Variants in RBFOX1 observed in about 807,000 individuals in gnomAD.
RBFOX1 encodes RNA binding protein fox-1 homolog 1.
In RBFOX1, 8 loss-of-function variants were observed where a neutral mutation model predicts 57.7. That is an observed-to-expected ratio of 0.14 (90% CI 0.08 to 0.25). The LOEUF is 0.25. Ranked by LOEUF, RBFOX1 falls within the 10% of genes least tolerant of loss-of-function variation. RBFOX1 has a pLI of 1.00. For missense variants in RBFOX1, 611 were observed against 548.5 expected (o/e 1.11, Z -1.14); for synonymous variants, 326 against 222.4 (o/e 1.47, Z -4.15).
intron 1 of RBFOX1, among the ~76,000 whole-genome samples, chr16:6,193,540 G>A (rs2097161022): frequency 6.7e-6 from 1 of 149,696 alleles, no homozygotes; most frequent in Non-Finnish European, 1.5e-5. Flanking sequence ...TGGGAACCTC[G>A]GTTTCATCAA....
chr16:7,075,392 G>A (rs1223188584), intron 4 of RBFOX1, among the ~76,000 whole-genome samples: 1 of 152,174 alleles, frequency 6.6e-6, no homozygotes, highest in Non-Finnish European at 1.5e-5. Context: ...GTGTTGCCTT[G>A]TAACAGTGTT....
intron 3 of RBFOX1, among the ~76,000 whole-genome samples, chr16:7,047,712 A>AT (rs2048460239): frequency 3.5e-5 from 1 of 28,536 alleles, no homozygotes; most frequent in Non-Finnish European, 7.6e-5. Flanking sequence ...CAGGTCCTGC[A>AT]TTTCTTTTTT....
chr16:6,277,911 C>A (rs1352850543), intron 1 of RBFOX1, among the ~76,000 whole-genome samples: 2 of 152,116 alleles, frequency 1.3e-5, no homozygotes, highest in African/African-American at 4.8e-5. Context: ...CGGTTACCCT[C>A]GTGTAAGCTG....
At position 6,009,702 on chromosome 16, in the gene RBFOX1, C is replaced by T; in HGVS notation, c.351+142367C>T. On this transcript the variant is annotated intron_variant, in intron 4 of 19. Transcript: ENST00000641259. ...AATCACGTTAAATCCCTCCTCCCCC[C>T]ACCTCCAAGCCTATCCACAAGTTAT... 3.3e-5 allele frequency among the ~76,000 whole-genome samples: 5 copies of T among 152,230 alleles called. 1 individual carries two copies. The South Asian group carries it at 1.0e-3, about 32-fold the overall frequency.
At chr16:6,474,280 C>T (rs1236423725) in intron 2 of RBFOX1, among the ~76,000 whole-genome samples, 2 of 152,090 alleles carry the variant, frequency 1.3e-5, no homozygotes, top group African/African-American at 4.8e-5. Flanking sequence ...GTAATTCATC[C>T]CAGAGCGGAC....
chr16:6,793,045 A>T (rs75008055), intron 3 of RBFOX1, among the ~76,000 whole-genome samples: 1 of 148,750 alleles, frequency 6.7e-6, no homozygotes, highest in Non-Finnish European at 1.5e-5. Context: ...AAAAAAAAAT[A>T]GAAGCGATAA....
intron 4 of RBFOX1, among the ~76,000 whole-genome samples, chr16:6,011,788 C>T (rs748339030): frequency 2.6e-5 from 4 of 152,100 alleles, no homozygotes; most frequent in Admixed American, 6.5e-5. Flanking sequence ...TGAGGACTTG[C>T]GCTTACTCTC....
chr16:6,607,311 C>G (rs1239744252), intron 2 of RBFOX1, among the ~76,000 whole-genome samples: 5 of 152,074 alleles, frequency 3.3e-5, no homozygotes, highest in African/African-American at 4.8e-5. Context: ...ATATTCACAT[C>G]CCTTAAAAAT....
chr16:6,483,133 C>T (rs946853828), intron 2 of RBFOX1: 90 of 1,047,608 alleles, frequency 8.6e-5, no homozygotes, highest in Non-Finnish European at 1.0e-4. Flanking sequence ...TGCCTTCCCC[C>T]AGCTGCAAGA....
At chr16:6,072,113 A>G (rs1158771559) in intron 1 of RBFOX1, among the ~76,000 whole-genome samples, 2 of 152,232 alleles carry the variant, frequency 1.3e-5, no homozygotes, top group East Asian at 1.9e-4. Context: ...AAGGAGGAGC[A>G]CAGGCACATC....
At chr16:6,829,085 TG>T (rs1051689215) in intron 3 of RBFOX1, among the ~76,000 whole-genome samples, 3 of 152,262 alleles carry the variant, frequency 2.0e-5, no homozygotes, top group African/African-American at 7.2e-5. Context: ...CACCAGCATT[TG>T]GGGACCTCCC....
intron 3 of RBFOX1, among the ~76,000 whole-genome samples, chr16:5,681,886 G>C (rs75049769): frequency 0.012 from 1,841 of 152,256 alleles, 32 homozygotes; most frequent in African/African-American, 0.041. Context: ...GTGAATATGA[G>C]TGGTCTGAGA....
At chr16:6,769,795 G>C (rs1193226643) in intron 3 of RBFOX1, among the ~76,000 whole-genome samples, 1 of 152,192 alleles carries the variant, frequency 6.6e-6, no homozygotes, top group Non-Finnish European at 1.5e-5. Flanking sequence ...AGAAAAGTCA[G>C]GGTTTTTTTT....
At chr16:6,368,115 G>C (rs2089928929) in intron 2 of RBFOX1, among the ~76,000 whole-genome samples, 1 of 152,082 alleles carries the variant, frequency 6.6e-6, no homozygotes, top group African/African-American at 2.4e-5. Flanking sequence ...TCTTCTCTTT[G>C]TAAGCTTAAG....
intron 2 of RBFOX1, among the ~76,000 whole-genome samples, chr16:6,365,263 G>T (rs138278714): frequency 6.6e-6 from 1 of 152,094 alleles, no homozygotes; most frequent in African/African-American, 2.4e-5. Context: ...TGGATGGGGG[G>T]ATAGGTGGAT....
At chr16:6,855,708 C>T (rs904383647) in intron 3 of RBFOX1, among the ~76,000 whole-genome samples, 4 of 151,662 alleles carry the variant, frequency 2.6e-5, no homozygotes, top group Non-Finnish European at 5.9e-5. Flanking sequence ...CGATCGAAAC[C>T]TTGATTGCAC....
chr16:6,994,722 C>T (rs1157042399), intron 3 of RBFOX1, among the ~76,000 whole-genome samples: 1 of 152,178 alleles, frequency 6.6e-6, no homozygotes, highest in Non-Finnish European at 1.5e-5. Context: ...CTGAAGCTAT[C>T]ATATTCCACA....
intron 2 of RBFOX1, among the ~76,000 whole-genome samples, chr16:6,407,607 C>T (rs2093333667): frequency 7.6e-6 from 1 of 132,166 alleles, no homozygotes; most frequent in South Asian, 2.4e-4. Context: ...TACATTCTAT[C>T]CTAGGAAATG....
At chr16:7,689,534 C>G (rs765466528) in intron 14 of RBFOX1, among the ~76,000 whole-genome samples, 6 of 152,050 alleles carry the variant, frequency 3.9e-5, no homozygotes, top group Non-Finnish European at 7.4e-5. Context: ...CCAGACCTCT[C>G]TCCTGGAAAT....
Sources: allele counts gnomAD v4.1 joint callset (sites outside exome capture counted in the v4.1 genomes callset), GRCh38; gene constraint gnomAD v4.1.1; transcripts MANE v1.5; gene names NCBI Gene and HGNC (gene_info 2026-07-23, HGNC 2026-07-21).